Variants in MAGI2 observed in about 807,000 individuals in gnomAD.
The protein encoded by MAGI2 is membrane associated guanylate kinase, WW and PDZ domain containing 2.
In MAGI2, 35 loss-of-function variants were observed where a neutral mutation model predicts 133.3. That is an observed-to-expected ratio of 0.26 (90% CI 0.20 to 0.35). The LOEUF is 0.35. Ranked by LOEUF, MAGI2 falls within the 10% of genes least tolerant of loss-of-function variation. MAGI2 has a pLI of 1.00. For synonymous variants in MAGI2, 729 were observed against 710.6 expected (o/e 1.03, Z -0.41); for missense variants, 1,636 against 1,863.4 (o/e 0.88, Z 2.25).
At chr7:78,427,934 G>GA (rs1465356824) in intron 6 of MAGI2, among the ~76,000 whole-genome samples, 2 of 152,044 alleles carry the variant, frequency 1.3e-5, no homozygotes, top group South Asian at 2.1e-4. Flanking sequence ...CATGTAGTAG[G>GA]AAAAATCTGT....
intron 21 of MAGI2, among the ~76,000 whole-genome samples, chr7:78,077,331 C>G (rs1431106399): frequency 4.0e-5 from 6 of 151,796 alleles, no homozygotes; most frequent in Non-Finnish European, 7.4e-5. Context: ...TATTCTATTC[C>G]AAGAGTTCAG....
intron 2 of MAGI2, among the ~76,000 whole-genome samples, chr7:78,837,393 T>G (rs932734487): frequency 1.3e-5 from 2 of 152,172 alleles, no homozygotes; most frequent in African/African-American, 4.8e-5. Context: ...ACATGCTCTT[T>G]ATAAATTTTC....
intron 9 of MAGI2, among the ~76,000 whole-genome samples, chr7:78,321,659 T>C (rs924364525): frequency 6.6e-6 from 1 of 152,040 alleles, no homozygotes; most frequent in Non-Finnish European, 1.5e-5. Flanking sequence ...CCTAAAATCA[T>C]AAAAACCCTA....
intron 1 of MAGI2, among the ~76,000 whole-genome samples, chr7:79,168,580 A>G (rs899271709): frequency 2.0e-5 from 3 of 152,000 alleles, no homozygotes; most frequent in African/African-American, 7.2e-5. Flanking sequence ...AAACTCTTAT[A>G]ATCTTGAGTT....
intron 6 of MAGI2, among the ~76,000 whole-genome samples, chr7:78,409,408 C>A (rs7804155): frequency 0.67 from 102,348 of 152,004 alleles, 35,429 homozygotes; most frequent in African/African-American, 0.81. Context: ...CACAGTAGTG[C>A]TTTAAATCCA....
intron 16 of MAGI2, among the ~76,000 whole-genome samples, chr7:78,153,741 C>T (rs1824116773): frequency 6.6e-6 from 1 of 152,202 alleles, no homozygotes; most frequent in African/African-American, 2.4e-5. Context: ...ACAAAACTAA[C>T]TTAATACCTT....
chr7:78,929,966 A>T (rs976734347), intron 2 of MAGI2, among the ~76,000 whole-genome samples: 7 of 152,056 alleles, frequency 4.6e-5, no homozygotes, highest in African/African-American at 1.7e-4. Context: ...CTTGCTTCTC[A>T]AGACAATTTG....
chr7:78,190,932 AT>A (rs1313528194), intron 12 of MAGI2, among the ~76,000 whole-genome samples: 2 of 152,218 alleles, frequency 1.3e-5, no homozygotes, highest in Admixed American at 6.5e-5. Flanking sequence ...TTTGTTTTCA[AT>A]TTTCAAAATT....
At chr7:78,281,727 T>TG in intron 9 of MAGI2, among the ~76,000 whole-genome samples, 2 of 102,346 alleles carry the variant, frequency 2.0e-5, no homozygotes, top group East Asian at 7.1e-4. Flanking sequence ...TTCAGAAAGC[T>TG]ACACATTATC....
chr7:78,654,703 GTATATATATATATATATA>G (rs57776940), intron 2 of MAGI2, among the ~76,000 whole-genome samples: 25,617 of 118,510 alleles, frequency 0.22, 2,734 homozygotes, highest in Admixed American at 0.29. Flanking sequence ...TTACATATAT[GTATATATATATATATATA>G]TATATATATA....
At chr7:78,074,543 A>G (rs983989650) in intron 21 of MAGI2, among the ~76,000 whole-genome samples, 3 of 152,144 alleles carry the variant, frequency 2.0e-5, no homozygotes, top group African/African-American at 7.2e-5. Flanking sequence ...ATTAGGAAAA[A>G]GTAGGATTAT....
At chr7:78,706,400 G>A (rs1180370502) in intron 2 of MAGI2, among the ~76,000 whole-genome samples, 1 of 152,032 alleles carries the variant, frequency 6.6e-6, no homozygotes, top group Non-Finnish European at 1.5e-5. Flanking sequence ...CCAGCTATGT[G>A]CAACTGTAAG....
chr7:78,750,186 A>G (rs1207883), intron 2 of MAGI2, among the ~76,000 whole-genome samples: 1 of 152,172 alleles, frequency 6.6e-6, no homozygotes, highest in African/African-American at 2.4e-5. Context: ...CCAGCTTCAT[A>G]TATGTCCTGG....
intron 3 of MAGI2, among the ~76,000 whole-genome samples, chr7:78,601,366 A>T (rs1054262760): frequency 2.4e-4 from 36 of 152,212 alleles, no homozygotes; most frequent in African/African-American, 8.4e-4. Flanking sequence ...AATGGGTCCC[A>T]AAGATTTGAA....
chr7:78,112,924 G>A (rs532141483), intron 20 of MAGI2, among the ~76,000 whole-genome samples: 40 of 152,340 alleles, frequency 2.6e-4, no homozygotes, highest in Non-Finnish European at 2.5e-4. Flanking sequence ...TGGAAAGCAC[G>A]GGGAAGTCTT....
At position 79,051,766 on chromosome 7, in the gene MAGI2, T is replaced by C. The variant is rs539020596; in HGVS notation, c.302-44560A>G. Among the ~76,000 whole-genome samples, 8 of 152,296 alleles carry C rather than the reference T, an allele frequency of 5.3e-5. No homozygotes were observed. The East Asian group carries it at 1.5e-3, about 29-fold the overall frequency. On this transcript the variant is annotated intron_variant, in intron 1 of 21. Transcript: ENST00000354212. ...CATGACTATGCAAAGCTAAGAATCA[T>C]GCAAAATTATCTTCAAATGTCAGGA...
intron 2 of MAGI2, among the ~76,000 whole-genome samples, chr7:78,694,274 C>T (rs907372004): frequency 6.6e-6 from 1 of 152,138 alleles, no homozygotes; most frequent in African/African-American, 2.4e-5. Context: ...TAGTTCTTTT[C>T]AGCCAAATTA....
chr7:78,975,311 C>G (rs758644822), intron 2 of MAGI2, among the ~76,000 whole-genome samples: 2 of 151,690 alleles, frequency 1.3e-5, no homozygotes, highest in African/African-American at 2.4e-5. Context: ...AATGATAGAA[C>G]TCATGTAAAG....
At chr7:78,195,597 G>T (rs978700630) in intron 11 of MAGI2, among the ~76,000 whole-genome samples, 7 of 152,154 alleles carry the variant, frequency 4.6e-5, no homozygotes, top group African/African-American at 1.7e-4. Flanking sequence ...CAACCATCTA[G>T]GATTCAGGGA....
Sources: gnomAD v4.1 joint callset for allele counts (sites outside exome capture counted in the v4.1 genomes callset) on GRCh38, gnomAD v4.1.1 for gene constraint, MANE v1.5 for transcripts, NCBI Gene and HGNC (gene_info 2026-07-23, HGNC 2026-07-21) for gene names.